Variants in IMPG1 observed in about 807,000 individuals in gnomAD.
IMPG1 encodes interphotoreceptor matrix proteoglycan of 150 kDa.
In IMPG1, 85 loss-of-function variants were observed where a neutral mutation model predicts 92.0. That is an observed-to-expected ratio of 0.92 (90% confidence interval 0.78 to 1.11). The LOEUF is 1.11. IMPG1 is among the 50% of genes least tolerant of loss of function. The pLI is 0.00. For synonymous variants in IMPG1, 367 were observed against 334.1 expected, an observed-to-expected ratio of 1.10 and a Z score of -1.08; for missense variants, 1,022 against 956.0, an observed-to-expected ratio of 1.07 and a Z score of -0.91.
chr6:75,956,472 T>C (rs1782123192), intron 12 of IMPG1, among the ~76,000 whole-genome samples: 1 of 152,346 alleles, frequency 6.6e-6, no homozygotes, highest in Non-Finnish European at 1.5e-5. Context: ...CTCTGTCTAT[T>C]TGATGCTTCT....
intron 3 of IMPG1, 91 bp downstream of exon 3, chr6:76,034,530 C>T (rs571986663): frequency 5.0e-5 from 70 of 1,396,870 alleles, no homozygotes; most frequent in Admixed American, 1.3e-4. Flanking sequence ...TTAACCCTTA[C>T]GTTGTGGAAA....
intron 2 of IMPG1, among the ~76,000 whole-genome samples, chr6:76,038,388 G>A (rs1301301684): frequency 6.6e-6 from 1 of 152,132 alleles, no homozygotes; most frequent in East Asian, 1.9e-4. Flanking sequence ...TGAAATCTCA[G>A]ACTCTTTCTG....
At chr6:76,005,251 G>T (rs1320810885) in intron 10 of IMPG1, 36 bp downstream of exon 10, 6 of 1,599,520 alleles carry the variant, frequency 3.8e-6, no homozygotes, top group Admixed American at 3.4e-5. Context: ...CTGCCAAAAT[G>T]AGAATAAACT....
At position 76,018,862 on chromosome 6, in the gene IMPG1, AG is replaced by A; in HGVS notation, c.667-5del. On this transcript the variant is annotated splice_polypyrimidine_tract_variant and splice_region_variant and intron_variant, in intron 6 of 16. Coordinates refer to ENST00000369950, the MANE Select transcript of IMPG1 (RefSeq NM_001563.4). ...CAGCGAATTCTGTTTCTCTTTCCTG[AG>A]TTTAAAAAAAAAAAAAAGGACTTCT... 6.4e-7 allele frequency: 1 copy of A among 1,554,814 alleles called. No individual in the cohort carries two copies. Among genetic ancestry groups the A allele is most frequent in the East Asian group, 2.3e-5 (1 of 43,470 alleles).
At chr6:76,049,911 A>ATTTG (rs1784007985) in intron 1 of IMPG1, among the ~76,000 whole-genome samples, 1 of 151,984 alleles carries the variant, frequency 6.6e-6, no homozygotes, top group South Asian at 2.1e-4. Context: ...TTATTTATTT[A>ATTTG]TTTTCCTTTT....
At chr6:76,004,479 C>T (rs578201686) in intron 10 of IMPG1, among the ~76,000 whole-genome samples, 4 of 152,204 alleles carry the variant, frequency 2.6e-5, no homozygotes, top group African/African-American at 7.2e-5. Context: ...TCTCAAGAGA[C>T]CTTTATGAAG....
intron 12 of IMPG1, among the ~76,000 whole-genome samples, chr6:75,984,582 A>G (rs1782683808): frequency 6.6e-6 from 1 of 152,228 alleles, no homozygotes; most frequent in African/African-American, 2.4e-5. Context: ...AAAATAATGC[A>G]TATGTTAATT....
At chr6:76,035,623 C>G (rs537568430) in intron 2 of IMPG1, among the ~76,000 whole-genome samples, 1 of 151,818 alleles carries the variant, frequency 6.6e-6, no homozygotes, top group East Asian at 1.9e-4. Flanking sequence ...GAAGACTTTC[C>G]AAGTGATGAG....
chr6:75,983,906 G>A (rs1782670401), intron 12 of IMPG1, among the ~76,000 whole-genome samples: 1 of 152,068 alleles, frequency 6.6e-6, no homozygotes, highest in Non-Finnish European at 1.5e-5. Context: ...AAATGGCAAA[G>A]CACACAAACA....
intron 7 of IMPG1, among the ~76,000 whole-genome samples, chr6:76,015,851 A>G (rs1448778110): frequency 6.6e-6 from 1 of 150,618 alleles, no homozygotes. Flanking sequence ...AGACATGCCC[A>G]TTTGATGATG....
At chr6:75,957,514 G>C (rs891415057) in intron 12 of IMPG1, among the ~76,000 whole-genome samples, 1 of 152,168 alleles carries the variant, frequency 6.6e-6, no homozygotes, top group African/African-American at 2.4e-5. Flanking sequence ...GGGTGTTAAA[G>C]TCTCCCATTA....
In IMPG1 at chr6:75,951,041, G is replaced by A. The variant is rs779298999; in HGVS notation, c.1345C>T (p.Pro449Ser). The change falls in exon 13 of 17, where the codon CCT becomes TCT. Residue 449 changes from proline (P) to serine (S), a missense_variant. Around this residue, in one of 3 missense-constraint regions of IMPG1, gnomAD observed 681 missense variants for 583.6 expected, o/e 1.17. Transcript: ENST00000369950. ...AAGATGCTTGATGCCATAAAGAAAGGTGGAGCTTCTGACAGGGAGGTAGAG... is the reference window on the plus strand; with the variant it reads ...AAGATGCTTGATGCCATAAAGAAAGATGGAGCTTCTGACAGGGAGGTAGAG... ...MASTSLSEAP[P>S]FFMASSIFSL... 3 of 1,613,738 alleles carry A rather than the reference G, an allele frequency of 1.9e-6. No homozygotes were observed. The highest frequency in any genetic ancestry group is 2.5e-6 in the Non-Finnish European group (3 of 1,179,768).
At chr6:76,046,228 C>A (rs1291799052) in intron 1 of IMPG1, among the ~76,000 whole-genome samples, 1 of 152,016 alleles carries the variant, frequency 6.6e-6, no homozygotes, top group Non-Finnish European at 1.5e-5. Context: ...TATATTTTCC[C>A]TACTTTAGGT....
chr6:76,053,060 T>C (rs890557268), intron 1 of IMPG1, among the ~76,000 whole-genome samples: 1 of 152,204 alleles, frequency 6.6e-6, no homozygotes, highest in Admixed American at 6.5e-5. Flanking sequence ...CCACTCCTAA[T>C]CATCTCATCT....
intron 12 of IMPG1, among the ~76,000 whole-genome samples, chr6:75,960,292 T>A (rs1309139705): frequency 6.6e-6 from 1 of 152,202 alleles, no homozygotes; most frequent in East Asian, 1.9e-4. Context: ...GCTGCGAGCT[T>A]CAGACCAGAG....
chr6:75,975,410 G>C (rs775618580), intron 12 of IMPG1, among the ~76,000 whole-genome samples: 8 of 152,188 alleles, frequency 5.3e-5, no homozygotes, highest in Admixed American at 3.3e-4. Context: ...ATTATGAAAT[G>C]GGTTTAAAAG....
chr6:75,966,608 G>T (rs1187968939), intron 12 of IMPG1, among the ~76,000 whole-genome samples: 1 of 152,106 alleles, frequency 6.6e-6, no homozygotes, highest in Admixed American at 6.5e-5. Flanking sequence ...AAATTACCCA[G>T]TCTGTGGTAT....
At chr6:75,987,653 T>TC (rs1230686839) in intron 12 of IMPG1, among the ~76,000 whole-genome samples, 2 of 151,564 alleles carry the variant, frequency 1.3e-5, no homozygotes, top group Admixed American at 1.3e-4. Context: ...ATCACTTTTT[T>TC]TTTTTTTTTG....
rs541172075 is a variant in IMPG1 at position 76,008,846 on chromosome 6, A to G, written c.867-1346T>C. 3.9e-5 allele frequency among the ~76,000 whole-genome samples: 6 copies of G among 152,250 alleles called. No individual in the cohort carries two copies. In the South Asian group the frequency reaches 1.0e-3, roughly 26 times the overall value. ...GCATATTCATCAATCGCAAAGCTTT[A>G]CTCATCCTACTGTGCGATCCTTCCC... On this transcript the variant is annotated intron_variant, in intron 8 of 16. Transcript: ENST00000369950.
Sources: gnomAD v4.1 joint callset for allele counts (sites outside exome capture counted in the v4.1 genomes callset) on GRCh38, gnomAD v4.1.1 for gene constraint, gnomAD v4.1.1 regional missense constraint, MANE v1.5 for transcripts, NCBI Gene and HGNC (gene_info 2026-07-23, HGNC 2026-07-21) for gene names.